The following ZBTB44 variants were observed in gnomAD, a reference collection of about 807,000 sequenced individuals.
ZBTB44 encodes the protein zinc finger and BTB domain containing 44, also known as zinc finger and BTB domain-containing protein 44.
Under a neutral mutation model 54.0 loss-of-function variants are expected in ZBTB44, and 15 were observed. The ratio of observed to expected loss-of-function variants is 0.28; its 90% CI spans 0.19 to 0.43. ZBTB44 has a LOEUF of 0.43. Ranked by LOEUF, ZBTB44 falls within the 20% of genes least tolerant of loss-of-function variation. The probability of loss-of-function intolerance (pLI) is 1.00; values close to 1 mark genes in which losing one functional copy is unlikely to be tolerated. For synonymous variants in ZBTB44, 230 were observed against 250.1 expected, an observed-to-expected ratio of 0.92 and a Z score of 0.76; for missense variants, 487 against 707.1, an observed-to-expected ratio of 0.69 and a Z score of 3.53.
Position 130,236,929 on chromosome 11 carries a change from G to T in ZBTB44, c.1432C>A (p.Arg478=). The part of the protein sequence containing the change: ...GEYKHHMRVS[R]HIIRKPRIYE... ...ATCCGAGGCTTGCGGATAATGTGCC[G>T]GGAAACCCTCATGTGGTGTTTATAT... Residue 478 remains arginine, a synonymous_variant, in exon 5 of 8, where the codon CGG becomes AGG. Transcript: ENST00000357899. The T allele has an allele frequency of 6.2e-7, 1 of 1,606,122 alleles. No individual in the cohort carries two copies. The highest frequency in any genetic ancestry group is 8.5e-7 in the Non-Finnish European group (1 of 1,176,878).
chr11:130,243,772 G>T (rs964551730), intron 2 of ZBTB44, among the ~76,000 whole-genome samples: 2 of 152,174 alleles, frequency 1.3e-5, no homozygotes, highest in Admixed American at 6.5e-5. Flanking sequence ...TAAAATGATT[G>T]TACTAAATTT....
At chr11:130,249,388 G>A (rs1591951808) in intron 2 of ZBTB44, among the ~76,000 whole-genome samples, 1 of 152,156 alleles carries the variant, frequency 6.6e-6, no homozygotes, top group African/African-American at 2.4e-5. Flanking sequence ...TATTTTGTTG[G>A]ATGTGTGTTC....
intron 1 of ZBTB44, among the ~76,000 whole-genome samples, chr11:130,268,121 C>A (rs1208547399): frequency 1.3e-4 from 20 of 149,584 alleles, no homozygotes; most frequent in Non-Finnish European, 2.4e-4. Flanking sequence ...AGGTTGGGTG[C>A]AGGGGCTCAT....
rs550418234 is a variant in ZBTB44, at chr11:130,260,834, A to G, written c.1018+22T>C. On this transcript the variant is annotated intron_variant, in intron 2 of 7. Transcript: ENST00000357899. ...TTTGAATTGACTTTATAGCACCAAG[A>G]AAAACACAGAAGGCATTATACCTAT... 7.0e-6 allele frequency: 11 copies of G among 1,566,076 alleles called. No homozygotes were observed. The African/African-American group carries it at 1.2e-4, about 18-fold the overall frequency.
rs1158660301 is a variant in ZBTB44, at chr11:130,229,112, A to G, written c.*2652T>C. On this transcript the variant is annotated 3_prime_UTR_variant, in exon 8 of 8. Coordinates refer to ENST00000357899, the MANE Select transcript of ZBTB44 (RefSeq NM_001301098.2). Reference sequence around the variant, plus strand: ...AAGTAGCACAAACATTTCAAAGACAATCTCAATTTTTCAGATACTGCCAAA... The same window carrying G: ...AAGTAGCACAAACATTTCAAAGACAGTCTCAATTTTTCAGATACTGCCAAA... The G allele has an allele frequency of 6.6e-6, 1 of 152,174 alleles. No homozygotes were observed. The highest frequency in any genetic ancestry group is 2.4e-5 in the African/African-American group (1 of 41,440). 9.4% of individuals were successfully genotyped at this position (152,174 alleles called of 1,614,324 possible).
intron 1 of ZBTB44, among the ~76,000 whole-genome samples, chr11:130,299,418 T>C (rs894828956): frequency 2.0e-4 from 30 of 152,116 alleles, no homozygotes; most frequent in African/African-American, 6.5e-4. Context: ...CTAGGCATAG[T>C]GGCACGCACC....
At chr11:130,272,688 CTT>C (rs146449870) in intron 1 of ZBTB44, among the ~76,000 whole-genome samples, 114 of 141,388 alleles carry the variant, frequency 8.1e-4, no homozygotes, top group African/African-American at 2.0e-3. Flanking sequence ...TTACTAATAT[CTT>C]TTTTTTTTTT....
chr11:130,309,648 A>T (rs2134534005), intron 1 of ZBTB44, among the ~76,000 whole-genome samples: 1 of 152,262 alleles, frequency 6.6e-6, no homozygotes, highest in Admixed American at 6.5e-5. Context: ...CCAGGATTAC[A>T]CTTCAGGAGG....
chr11:130,235,973 AAAAAAAAAG>A, intron 5 of ZBTB44: 1 of 877,342 alleles, frequency 1.1e-6, no homozygotes, highest in South Asian at 2.4e-5. Context: ...ATCTCAAAAA[AAAAAAAAAG>A]AAAGATTTGT....
intron 1 of ZBTB44, among the ~76,000 whole-genome samples, chr11:130,268,753 T>C (rs1939445711): frequency 6.6e-6 from 1 of 151,800 alleles, no homozygotes; most frequent in Non-Finnish European, 1.5e-5. Context: ...TAATTTTTTG[T>C]AATTTTAGTA....
At chr11:130,252,453 C>T (rs1011661851) in intron 2 of ZBTB44, among the ~76,000 whole-genome samples, 5 of 152,306 alleles carry the variant, frequency 3.3e-5, no homozygotes, top group Middle Eastern at 6.8e-3. Flanking sequence ...AACTCTCCAC[C>T]ACAAATCAAC....
chr11:130,296,173 A>G (rs1725571305), intron 1 of ZBTB44: 26 of 1,368,216 alleles, frequency 1.9e-5, no homozygotes, highest in Non-Finnish European at 2.7e-5. Flanking sequence ...GAAGGTTGGC[A>G]AGGATTTCTC....
intron 1 of ZBTB44, among the ~76,000 whole-genome samples, chr11:130,287,811 T>C (rs1383452414): frequency 2.6e-5 from 4 of 152,212 alleles, no homozygotes; most frequent in Middle Eastern, 3.4e-3. Flanking sequence ...TTAAAATTTA[T>C]TGAGAACCCA....
At chr11:130,313,433 G>A (rs537332209) in intron 1 of ZBTB44, among the ~76,000 whole-genome samples, 5 of 152,150 alleles carry the variant, frequency 3.3e-5, no homozygotes, top group Non-Finnish European at 7.4e-5. Context: ...TCTATGATAA[G>A]GGGAAACTAC....
At chr11:130,255,208 G>C (rs1481223649) in intron 2 of ZBTB44, among the ~76,000 whole-genome samples, 1 of 152,026 alleles carries the variant, frequency 6.6e-6, no homozygotes, top group African/African-American at 2.4e-5. Context: ...ATGTTCCCTA[G>C]AACTTAAAGT....
intron 1 of ZBTB44, among the ~76,000 whole-genome samples, chr11:130,265,650 AATG>A (rs1231974218): frequency 1.3e-5 from 2 of 152,222 alleles, no homozygotes; most frequent in African/African-American, 4.8e-5. Context: ...TGCACACACA[AATG>A]ATGAGAAAGT....
At chr11:130,279,487 T>C (rs151332296) in intron 1 of ZBTB44, among the ~76,000 whole-genome samples, 6,215 of 152,096 alleles carry the variant, frequency 0.041, 316 homozygotes, top group African/African-American at 0.12. Context: ...GGCAAAACCC[T>C]GTCTCCATTA....
intron 7 of ZBTB44, chr11:130,232,110 GA>G (rs1565639699): frequency 6.6e-6 from 1 of 152,104 alleles, no homozygotes; most frequent in African/African-American, 2.4e-5. Flanking sequence ...CAGTTCTAAG[GA>G]ATTTAATTTA....
chr11:130,295,928 A>G, intron 1 of ZBTB44: 1 of 1,521,506 alleles, frequency 6.6e-7, no homozygotes, highest in Non-Finnish European at 9.1e-7. Flanking sequence ...GGATCTGCTG[A>G]AGCACAGAAA....
Sources: gnomAD v4.1 joint callset for allele counts (sites outside exome capture counted in the v4.1 genomes callset) on GRCh38, gnomAD v4.1.1 for gene constraint, MANE v1.5 for transcripts, NCBI Gene and HGNC (gene_info 2026-07-23, HGNC 2026-07-21) for gene names.